The following SPAG16 variants were observed in gnomAD, a reference collection of about 807,000 sequenced individuals.
SPAG16 encodes sperm associated antigen 16, also known as sperm-associated antigen 16 protein.
Under a neutral mutation model 80.4 loss-of-function variants are expected in SPAG16, and 86 were observed. The ratio of observed to expected loss-of-function variants is 1.07; its 90% CI spans 0.90 to 1.28. SPAG16 has a LOEUF of 1.28. Ranked by LOEUF, SPAG16 falls within the 50% of genes most tolerant of loss-of-function variation. SPAG16 has a pLI of 0.00. For missense variants in SPAG16, 870 were observed against 765.3 expected (o/e 1.14, Z -1.61); for synonymous variants, 294 against 265.9 (o/e 1.11, Z -1.03).
intron 13 of SPAG16, among the ~76,000 whole-genome samples, chr2:214,082,790 G>A (rs1481254279): frequency 6.6e-6 from 1 of 152,180 alleles, no homozygotes; most frequent in African/African-American, 2.4e-5. Flanking sequence ...ATGCTCAACA[G>A]ATTCAACCTT....
chr2:213,770,242 T>C (rs904333590), intron 10 of SPAG16, among the ~76,000 whole-genome samples: 2 of 152,134 alleles, frequency 1.3e-5, no homozygotes. Flanking sequence ...ATGATTTATT[T>C]TTTTCTTATT....
intron 15 of SPAG16, among the ~76,000 whole-genome samples, chr2:214,196,929 A>G (rs1377699406): frequency 6.6e-6 from 1 of 152,032 alleles, no homozygotes; most frequent in Non-Finnish European, 1.5e-5. Flanking sequence ...TTATAAGAAT[A>G]ACTGATGAGA....
At chr2:213,820,982 T>C (rs2072899932) in intron 10 of SPAG16, among the ~76,000 whole-genome samples, 1 of 152,138 alleles carries the variant, frequency 6.6e-6, no homozygotes, top group Admixed American at 6.5e-5. Context: ...AATTCCTTTC[T>C]GAAATTCTCA....
chr2:213,991,592 G>A (rs995559878), intron 12 of SPAG16, among the ~76,000 whole-genome samples: 11 of 152,128 alleles, frequency 7.2e-5, no homozygotes, highest in East Asian at 1.9e-4. Context: ...CTTGTCCCAC[G>A]CTGCATTTCT....
intron 11 of SPAG16, among the ~76,000 whole-genome samples, chr2:213,874,862 A>G (rs190888085): frequency 6.6e-6 from 1 of 152,212 alleles, no homozygotes; most frequent in East Asian, 1.9e-4. Flanking sequence ...ACCATTTTTG[A>G]ACTCTGTCAT....
chr2:213,756,118 C>T (rs180835907), intron 10 of SPAG16, among the ~76,000 whole-genome samples: 1 of 152,182 alleles, frequency 6.6e-6, no homozygotes, highest in East Asian at 1.9e-4. Flanking sequence ...AAGTAGTGTC[C>T]TTCCACAGAG....
intron 9 of SPAG16, among the ~76,000 whole-genome samples, chr2:213,434,787 A>G (rs1329369976): frequency 6.6e-6 from 1 of 152,244 alleles, no homozygotes; most frequent in East Asian, 1.9e-4. Flanking sequence ...ATGGCCAGTT[A>G]TAAAATGGAA....
At chr2:214,283,137 G>T (rs1286342559) in intron 15 of SPAG16, among the ~76,000 whole-genome samples, 2 of 150,146 alleles carry the variant, frequency 1.3e-5, no homozygotes, top group East Asian at 1.9e-4. Context: ...ATTAATAATT[G>T]CAGGGCCCAC....
intron 10 of SPAG16, among the ~76,000 whole-genome samples, chr2:213,760,473 T>G (rs1303899827): frequency 2.0e-5 from 3 of 150,546 alleles, no homozygotes; most frequent in African/African-American, 7.3e-5. Context: ...TCCACAGTAA[T>G]AGTTGAAGAT....
chr2:214,244,639 T>TAATTTTTAA (rs1031543469), intron 15 of SPAG16, among the ~76,000 whole-genome samples: 5 of 152,056 alleles, frequency 3.3e-5, no homozygotes, highest in Admixed American at 2.0e-4. Context: ...TAATTAAAAT[T>TAATTTTTAA]AATTTTAGAG....
chr2:214,047,521 T>A (rs140392321), intron 13 of SPAG16, among the ~76,000 whole-genome samples: 131 of 152,252 alleles, frequency 8.6e-4, no homozygotes, highest in African/African-American at 3.1e-3. Flanking sequence ...CCCTGTCTCT[T>A]GCCATACACA....
At chr2:214,090,698 A>G (rs772831863) in intron 13 of SPAG16, among the ~76,000 whole-genome samples, 4 of 152,000 alleles carry the variant, frequency 2.6e-5, no homozygotes, top group Non-Finnish European at 5.9e-5. Context: ...AAAGCTTTGC[A>G]TGAGTTCCAA....
intron 14 of SPAG16, among the ~76,000 whole-genome samples, chr2:214,143,617 G>GA (rs1157221938): frequency 1.3e-5 from 2 of 151,984 alleles, no homozygotes; most frequent in Non-Finnish European, 2.9e-5. Flanking sequence ...CTATATTTGT[G>GA]AAAAAATTCT....
chr2:213,934,053 G>A (rs1205088615), intron 12 of SPAG16, among the ~76,000 whole-genome samples: 1 of 152,186 alleles, frequency 6.6e-6, no homozygotes, highest in East Asian at 1.9e-4. Flanking sequence ...TATGGCCACA[G>A]AGGATAATGA....
At chr2:213,675,623 C>A (rs1329214318) in intron 10 of SPAG16, among the ~76,000 whole-genome samples, 2 of 152,158 alleles carry the variant, frequency 1.3e-5, no homozygotes, top group Non-Finnish European at 2.9e-5. Context: ...GTTTTCCCAG[C>A]ACTATTTATT....
intron 11 of SPAG16, among the ~76,000 whole-genome samples, chr2:213,896,543 T>C (rs2076995104): frequency 6.7e-6 from 1 of 149,662 alleles, no homozygotes; most frequent in African/African-American, 2.4e-5. Flanking sequence ...GCAACCTAAG[T>C]GTCCATCAAT....
intron 10 of SPAG16, among the ~76,000 whole-genome samples, chr2:213,593,722 C>G (rs955051406): frequency 8.8e-6 from 1 of 113,338 alleles, no homozygotes; most frequent in African/African-American, 3.2e-5. Flanking sequence ...GTAGATTTCT[C>G]ATACCCCATC....
intron 15 of SPAG16, among the ~76,000 whole-genome samples, chr2:214,165,838 A>C (rs778060286): frequency 7.0e-4 from 106 of 152,068 alleles, no homozygotes; most frequent in Middle Eastern, 3.2e-3. Context: ...TAAGAAAGCC[A>C]TATTTGCTAC....
At position 214,116,927 on chromosome 2, in the gene SPAG16, C is replaced by T. The variant is rs939337971; in HGVS notation, c.1593+8666C>T. ...GACTGTGAAGACTGGAACAAATACC[C>T]AGTCTTTCAAAATGCAGACATTGTC... On this transcript the variant is annotated intron_variant, in intron 14 of 15. Coordinates refer to ENST00000331683, the MANE Select transcript of SPAG16 (RefSeq NM_024532.5). Among the ~76,000 whole-genome samples the T allele has an allele frequency of 3.3e-5, 5 of 152,270 alleles. No homozygotes were observed. In the South Asian group the frequency reaches 8.3e-4, roughly 25 times the overall value.
Sources: gnomAD v4.1 joint callset for allele counts (sites outside exome capture counted in the v4.1 genomes callset) on GRCh38, gnomAD v4.1.1 for gene constraint, MANE v1.5 for transcripts, NCBI Gene and HGNC (gene_info 2026-07-23, HGNC 2026-07-21) for gene names.